WDR27: variants seen among roughly 807,000 people sequenced by gnomAD.
WDR27 encodes the protein WD repeat-containing protein 27.
A neutral mutation model predicts 114.4 loss-of-function variants in WDR27; 100 were observed. The ratio of observed to expected loss-of-function variants is 0.87; its 90% CI spans 0.74 to 1.03. WDR27 has a LOEUF of 1.03. Ranked by LOEUF, WDR27 falls within the 50% of genes least tolerant of loss-of-function variation. The probability of loss-of-function intolerance (pLI) is 0.00; values close to 1 mark genes in which losing one functional copy is unlikely to be tolerated. For synonymous variants in WDR27, 449 were observed against 423.1 expected, an observed-to-expected ratio of 1.06 and a Z score of -0.75; for missense variants, 1,129 against 1,092.9, an observed-to-expected ratio of 1.03 and a Z score of -0.47.
At chr6:169,551,604 G>A (rs548500961) in intron 25 of WDR27, among the ~76,000 whole-genome samples, 6 of 152,140 alleles carry the variant, frequency 3.9e-5, no homozygotes, top group East Asian at 3.9e-4. Flanking sequence ...GGGCATGGTG[G>A]TGGGTGCCTG....
intron 21 of WDR27, among the ~76,000 whole-genome samples, chr6:169,620,584 C>T (rs1336667690): frequency 6.6e-6 from 1 of 152,164 alleles, no homozygotes; most frequent in Non-Finnish European, 1.5e-5. Context: ...AAGCCCTCGC[C>T]TCAAATCCCA....
intron 25 of WDR27, among the ~76,000 whole-genome samples, chr6:169,476,867 A>G (rs1480782729): frequency 6.6e-6 from 1 of 152,184 alleles, no homozygotes; most frequent in African/African-American, 2.4e-5. Context: ...AATTAATCAA[A>G]TCATCTGCAA....
chr6:169,502,050 G>T (rs372141183), intron 25 of WDR27, among the ~76,000 whole-genome samples: 5 of 152,170 alleles, frequency 3.3e-5, no homozygotes, highest in Non-Finnish European at 7.4e-5. Flanking sequence ...TGCCCTGAAC[G>T]GAGCCGCACG....
At chr6:169,640,759 C>G (rs868270135) in intron 17 of WDR27, among the ~76,000 whole-genome samples, 2 of 152,260 alleles carry the variant, frequency 1.3e-5, no homozygotes, top group African/African-American at 4.8e-5. Flanking sequence ...TCAGAAGTCA[C>G]TCCATTACCA....
At chr6:169,660,348 C>T (rs1825724599) in intron 10 of WDR27, among the ~76,000 whole-genome samples, 1 of 152,154 alleles carries the variant, frequency 6.6e-6, no homozygotes, top group South Asian at 2.1e-4. Context: ...GGTGGAGAAT[C>T]CAGGGGCTTC....
At chr6:169,666,959 T>C (rs1827992797) in intron 6 of WDR27, 177 bp downstream of exon 6, 1 of 985,312 alleles carries the variant, frequency 1.0e-6, no homozygotes, top group South Asian at 4.7e-5. Flanking sequence ...ATCAAGGACA[T>C]TCACTGTTAA....
In WDR27 at chr6:169,606,207, T is replaced by G. The variant is rs563696820; in HGVS notation, c.2322-3886A>C. Among the ~76,000 whole-genome samples the G allele has an allele frequency of 9.2e-5, 14 of 152,226 alleles. No individual in the cohort carries two copies. In the East Asian group the frequency reaches 2.7e-3, roughly 29 times the overall value. ...GGGGAAAACTTGCAAACTATGCATTTTACAGGGGACTAACATCCAAAATTT... is the reference window on the plus strand; with the variant it reads ...GGGGAAAACTTGCAAACTATGCATTGTACAGGGGACTAACATCCAAAATTT... On this transcript the variant is annotated intron_variant, in intron 22 of 25. Transcript: ENST00000448612.
At chr6:169,460,141 C>T (rs1328077745) in intron 25 of WDR27, among the ~76,000 whole-genome samples, 1 of 152,126 alleles carries the variant, frequency 6.6e-6, no homozygotes, top group Non-Finnish European at 1.5e-5. Context: ...ATTAAAAAAA[C>T]TATTAGTCTA....
intron 2 of WDR27, among the ~76,000 whole-genome samples, chr6:169,672,985 T>C (rs1408773829): frequency 1.3e-5 from 2 of 151,672 alleles, no homozygotes; most frequent in African/African-American, 4.9e-5. Context: ...AGCAGACGAG[T>C]GTTGGGGGTA....
At chr6:169,656,854 C>A (rs749390033) in intron 13 of WDR27, among the ~76,000 whole-genome samples, 30 of 151,372 alleles carry the variant, frequency 2.0e-4, no homozygotes, top group Admixed American at 1.8e-3. Flanking sequence ...CACCTCCTTA[C>A]AAGGCAGAAG....
rs1793516978 is a variant in WDR27 at position 169,515,441 on chromosome 6, G to C, written c.2645+56978C>G. On this transcript the variant is annotated intron_variant, in intron 25 of 25. Coordinates refer to ENST00000448612, the MANE Select transcript of WDR27 (RefSeq NM_182552.5). ...AATAGCTTTTAGGGAAATGGATACA[G>C]ATCTTATTGGGACAAAGCTCAATTA... is the stretch of plus-strand genomic sequence containing the variant. Among the ~76,000 whole-genome samples, 3 of 152,178 alleles carry C rather than the reference G, an allele frequency of 2.0e-5. No individual in the cohort carries two copies. The South Asian group carries it at 6.2e-4, about 32-fold the overall frequency.
intron 25 of WDR27, among the ~76,000 whole-genome samples, chr6:169,550,931 G>A (rs1798015773): frequency 6.6e-6 from 1 of 152,120 alleles, no homozygotes. Context: ...GCCCAAGCTG[G>A]TCTTGAACTC....
intron 25 of WDR27, among the ~76,000 whole-genome samples, chr6:169,536,490 T>C (rs1351928114): frequency 6.6e-6 from 1 of 152,192 alleles, no homozygotes; most frequent in Non-Finnish European, 1.5e-5. Flanking sequence ...CCACTTAAAG[T>C]GCAGAACTAA....
chr6:169,656,264 G>A (rs1052366944), intron 13 of WDR27, among the ~76,000 whole-genome samples: 1 of 152,172 alleles, frequency 6.6e-6, no homozygotes, highest in Non-Finnish European at 1.5e-5. Flanking sequence ...TGTAAAATAG[G>A]TGAAGGGTGG....
chr6:169,593,505 T>C (rs1806172465), intron 23 of WDR27, among the ~76,000 whole-genome samples: 1 of 152,056 alleles, frequency 6.6e-6, no homozygotes, highest in Non-Finnish European at 1.5e-5. Context: ...TCTCTCTTTA[T>C]AAAAAAAATT....
At chr6:169,473,646 T>C (rs1036298604) in intron 25 of WDR27, among the ~76,000 whole-genome samples, 1 of 151,944 alleles carries the variant, frequency 6.6e-6, no homozygotes, top group Non-Finnish European at 1.5e-5. Context: ...GTTATTAGAA[T>C]GTCTAAAGGA....
Position 169,558,439 on chromosome 6 carries a change from G to A in WDR27, c.2645+13980C>T, listed in dbSNP as rs139003963. The A allele has an allele frequency of 2.6e-4, 40 of 152,296 alleles. No individual in the cohort carries two copies. The East Asian group carries it at 7.0e-3, about 27-fold the overall frequency. The allele number at this position is 152,296 out of a possible 1,614,324, so 9.4% of individuals were successfully genotyped here. On this transcript the variant is annotated intron_variant, in intron 25 of 25. Transcript: ENST00000448612. ...GCTGGATTGCTGAGTTCGAGAATAA[G>A]CACCAGGCTCCCATCCCGGTGGAGT...
intron 21 of WDR27, among the ~76,000 whole-genome samples, chr6:169,630,259 C>T (rs866268891): frequency 6.6e-6 from 1 of 152,196 alleles, no homozygotes; most frequent in Non-Finnish European, 1.5e-5. Flanking sequence ...TACATGCTGA[C>T]GAGTCTTTTT....
intron 24 of WDR27, 95 bp from the exon 25 acceptor site, chr6:169,572,635 A>G (rs10945440): frequency 0.47 from 71,281 of 151,592 alleles, 20,039 homozygotes; most frequent in Non-Finnish European, 0.64. Context: ...TTCAAAGAGC[A>G]GTAAATTAAA....
Sources: allele counts gnomAD v4.1 joint callset (sites outside exome capture counted in the v4.1 genomes callset), GRCh38; gene constraint gnomAD v4.1.1; transcripts MANE v1.5; gene names NCBI Gene and HGNC (gene_info 2026-07-23, HGNC 2026-07-21).